The following SLC22A3 variants were observed in gnomAD, a reference collection of about 807,000 sequenced individuals.
SLC22A3 encodes EMT organic cation transporter 3.
SLC22A3 carries 51 observed loss-of-function variants against 59.1 expected under a neutral mutation model. That is an observed-to-expected ratio of 0.86 (90% CI 0.69 to 1.09). SLC22A3 has a LOEUF of 1.09. SLC22A3 is among the 50% of genes least tolerant of loss of function. SLC22A3 has a pLI of 0.00. For missense variants in SLC22A3, 711 were observed against 726.3 expected, an observed-to-expected ratio of 0.98 and a Z score of 0.24; for synonymous variants, 325 against 292.0, an observed-to-expected ratio of 1.11 and a Z score of -1.15.
chr6:160,391,226 A>G (rs1008483486), intron 1 of SLC22A3, among the ~76,000 whole-genome samples: 4 of 152,190 alleles, frequency 2.6e-5, no homozygotes, highest in African/African-American at 9.7e-5. Flanking sequence ...AAATACGCTG[A>G]AATTAACTAT....
chr6:160,409,726 T>C (rs1210319123), intron 4 of SLC22A3, among the ~76,000 whole-genome samples: 1 of 152,220 alleles, frequency 6.6e-6, no homozygotes, highest in African/African-American at 2.4e-5. Flanking sequence ...TGTTGATGAT[T>C]TTATTAATAA....
At chr6:160,416,182 T>C (rs1424857795) in intron 5 of SLC22A3, among the ~76,000 whole-genome samples, 1 of 152,176 alleles carries the variant, frequency 6.6e-6, no homozygotes, top group Non-Finnish European at 1.5e-5. Flanking sequence ...TAGCTAGCAC[T>C]AGCAGGGAGA....
intron 1 of SLC22A3, among the ~76,000 whole-genome samples, chr6:160,376,133 A>G (rs1000661704): frequency 6.6e-6 from 1 of 152,234 alleles, no homozygotes; most frequent in African/African-American, 2.4e-5. Flanking sequence ...AAAATGTGGT[A>G]CATATATACC....
Position 160,348,492 on chromosome 6 carries a change from C to A in SLC22A3, c.73C>A (p.Leu25Met). The A allele has an allele frequency of 6.4e-7, 1 of 1,559,588 alleles. No individual in the cohort carries two copies. The highest frequency in any genetic ancestry group is 8.6e-7 in the Non-Finnish European group (1 of 1,159,290). The stretch of plus-strand genomic sequence containing the variant: ...CTTCCAGAGGCGCGTGTTTTTGCTG[C>A]TGTGCCTGACGGGCGTCACCTTCGC... ...GRFQRRVFLL[L>M]CLTGVTFAFL... The change falls in exon 1 of 11, where the codon CTG becomes ATG. Residue 25 changes from leucine to methionine, a missense_variant. Coordinates refer to ENST00000275300, the MANE Select transcript of SLC22A3 (RefSeq NM_021977.4).
At chr6:160,443,088 C>T (rs1195403230) in intron 8 of SLC22A3, among the ~76,000 whole-genome samples, 4 of 152,222 alleles carry the variant, frequency 2.6e-5, no homozygotes, top group Non-Finnish European at 5.9e-5. Context: ...TTAATATCTT[C>T]ACACACTGTT....
chr6:160,391,474 A>G (rs1378216729), intron 1 of SLC22A3, among the ~76,000 whole-genome samples: 1 of 152,172 alleles, frequency 6.6e-6, no homozygotes, highest in Non-Finnish European at 1.5e-5. Flanking sequence ...TATACCAATG[A>G]CTCATCATTC....
intron 1 of SLC22A3, among the ~76,000 whole-genome samples, chr6:160,393,016 C>T (rs1445324731): frequency 3.9e-5 from 6 of 151,958 alleles, no homozygotes. Context: ...AACAGAAGCA[C>T]ATAGATATTG....
chr6:160,434,534 C>T (rs764989044), intron 5 of SLC22A3, among the ~76,000 whole-genome samples: 5 of 152,200 alleles, frequency 3.3e-5, no homozygotes, highest in South Asian at 2.1e-4. Flanking sequence ...AAATAATCCA[C>T]GTAAAGTGCT....
intron 1 of SLC22A3, among the ~76,000 whole-genome samples, chr6:160,355,165 C>T (rs1341602795): frequency 6.6e-6 from 1 of 152,214 alleles, no homozygotes; most frequent in African/African-American, 2.4e-5. Context: ...CTTGTTGCAG[C>T]TCTTCCTGTT....
intron 1 of SLC22A3, among the ~76,000 whole-genome samples, chr6:160,359,481 A>G (rs763647288): frequency 6.6e-6 from 1 of 152,232 alleles, no homozygotes; most frequent in Non-Finnish European, 1.5e-5. Context: ...AACAGAGTAC[A>G]TTTAATAATC....
chr6:160,449,455 A>G (rs1788869950), intron 10 of SLC22A3, among the ~76,000 whole-genome samples: 1 of 152,206 alleles, frequency 6.6e-6, no homozygotes, highest in Admixed American at 6.5e-5. Flanking sequence ...TAGTAGAAGT[A>G]TGGTTTACAG....
chr6:160,366,179 A>C (rs555251671), intron 1 of SLC22A3, among the ~76,000 whole-genome samples: 1 of 152,314 alleles, frequency 6.6e-6, no homozygotes, highest in Non-Finnish European at 1.5e-5. Flanking sequence ...TTCTTAACTT[A>C]TTCCAGCATT....
At chr6:160,450,871 C>A (rs1788932711) in intron 10 of SLC22A3, 125 bp from the exon 11 acceptor site, 2 of 889,898 alleles carry the variant, frequency 2.2e-6, no homozygotes, top group Non-Finnish European at 3.6e-6. Flanking sequence ...ATTGTTGTTA[C>A]CTTAGAGTTG....
At chr6:160,418,186 G>C (rs1219774357) in intron 5 of SLC22A3, among the ~76,000 whole-genome samples, 1 of 152,190 alleles carries the variant, frequency 6.6e-6, no homozygotes. Flanking sequence ...CATCCAGTTG[G>C]CTGCCAGTGT....
chr6:160,437,983 G>C (rs1464130036), intron 7 of SLC22A3, among the ~76,000 whole-genome samples: 1 of 152,234 alleles, frequency 6.6e-6, no homozygotes, highest in African/African-American at 2.4e-5. Context: ...AGCCCTGCAG[G>C]TGGTCCTGTG....
At chr6:160,444,023 G>A (rs2457011) in intron 9 of SLC22A3, among the ~76,000 whole-genome samples, 131,944 of 152,186 alleles carry the variant, frequency 0.87, 57,632 homozygotes, top group East Asian at 1. Flanking sequence ...GTTAAATGCT[G>A]TGAAACTCTT....
At chr6:160,361,060 G>C (rs1259720036) in intron 1 of SLC22A3, among the ~76,000 whole-genome samples, 1 of 152,214 alleles carries the variant, frequency 6.6e-6, no homozygotes, top group Non-Finnish European at 1.5e-5. Flanking sequence ...GAACAGACAA[G>C]TGGACCAGTG....
chr6:160,439,006 G>T (rs143574464), intron 7 of SLC22A3, among the ~76,000 whole-genome samples: 60 of 152,130 alleles, frequency 3.9e-4, no homozygotes, highest in Admixed American at 3.3e-3. Context: ...TAGTAGCCTT[G>T]AGGTTCCAGG....
chr6:160,422,130 G>A (rs1291236783), intron 5 of SLC22A3, among the ~76,000 whole-genome samples: 1 of 152,202 alleles, frequency 6.6e-6, no homozygotes, highest in Non-Finnish European at 1.5e-5. Context: ...GACCCACCAG[G>A]AAAATTATCT....
Sources: gnomAD v4.1 joint callset for allele counts (sites outside exome capture counted in the v4.1 genomes callset) on GRCh38, gnomAD v4.1.1 for gene constraint, MANE v1.5 for transcripts, NCBI Gene and HGNC (gene_info 2026-07-23, HGNC 2026-07-21) for gene names.